B3GALT1: variants seen among roughly 807,000 people sequenced by gnomAD.
B3GALT1 encodes the protein beta-1,3-galactosyltransferase 1.
In B3GALT1, 10 loss-of-function variants were observed where a neutral mutation model predicts 23.2. That is an observed-to-expected ratio of 0.43 (90% CI 0.27 to 0.73). B3GALT1 has a LOEUF of 0.73. B3GALT1 is among the 30% of genes least tolerant of loss of function. The pLI is 0.21. For synonymous variants in B3GALT1, 156 were observed against 141.5 expected, an observed-to-expected ratio of 1.10 and a Z score of -0.73; for missense variants, 299 against 405.4, an observed-to-expected ratio of 0.74 and a Z score of 2.25.
chr2:167,402,161 A>T (rs917767745), intron 1 of B3GALT1, among the ~76,000 whole-genome samples: 8 of 152,128 alleles, frequency 5.3e-5, no homozygotes, highest in Non-Finnish European at 1.2e-4. Flanking sequence ...AATAACTACT[A>T]ATGTTATGAT....
At chr2:167,363,921 G>A (rs1320858702) in intron 1 of B3GALT1, among the ~76,000 whole-genome samples, 1 of 152,100 alleles carries the variant, frequency 6.6e-6, no homozygotes, top group East Asian at 1.9e-4. Flanking sequence ...CACTTTGGGA[G>A]GCTGAGGGAG....
chr2:167,798,156 T>TG (rs1688574791), intron 3 of B3GALT1, among the ~76,000 whole-genome samples: 2 of 152,242 alleles, frequency 1.3e-5, no homozygotes, highest in Non-Finnish European at 2.9e-5. Flanking sequence ...CTTGTAAATT[T>TG]CTTTAAGTTT....
chr2:167,453,755 A>G (rs528395817), intron 1 of B3GALT1, among the ~76,000 whole-genome samples: 2 of 152,298 alleles, frequency 1.3e-5, no homozygotes, highest in African/African-American at 2.4e-5. Flanking sequence ...GTTTTATTAA[A>G]CTCAGTGGAA....
At chr2:167,331,595 G>A (rs746312465) in intron 1 of B3GALT1, among the ~76,000 whole-genome samples, 2 of 152,166 alleles carry the variant, frequency 1.3e-5, no homozygotes, top group African/African-American at 2.4e-5. Context: ...GACCCCAGGA[G>A]GCATGCTTAG....
chr2:167,294,432 G>T (rs1233831705), intron 1 of B3GALT1, among the ~76,000 whole-genome samples: 2 of 152,244 alleles, frequency 1.3e-5, no homozygotes, highest in Admixed American at 1.3e-4. Flanking sequence ...GTGCTGCAAA[G>T]CCTTCCGCAG....
At chr2:167,602,028 A>T (rs1279633889) in intron 2 of B3GALT1, among the ~76,000 whole-genome samples, 1 of 152,238 alleles carries the variant, frequency 6.6e-6, no homozygotes, top group Non-Finnish European at 1.5e-5. Context: ...AGAAGTTTCA[A>T]TCATGGCTGT....
intron 3 of B3GALT1, among the ~76,000 whole-genome samples, chr2:167,713,240 A>T (rs1469201915): frequency 2.0e-5 from 3 of 152,246 alleles, no homozygotes. Context: ...TACTGCAAGA[A>T]CATGTATAAA....
intron 3 of B3GALT1, among the ~76,000 whole-genome samples, chr2:167,667,617 T>C (rs1031119416): frequency 6.6e-6 from 1 of 152,226 alleles, no homozygotes; most frequent in Admixed American, 6.5e-5. Context: ...TCTTTTCACA[T>C]AGTCCCATAT....
At chr2:167,297,134 A>G (rs1209135158) in intron 1 of B3GALT1, among the ~76,000 whole-genome samples, 2 of 152,134 alleles carry the variant, frequency 1.3e-5, no homozygotes, top group African/African-American at 4.8e-5. Context: ...GTCCTTTAAA[A>G]TATCTTTAAA....
At chr2:167,304,336 T>G (rs190760606) in intron 1 of B3GALT1, among the ~76,000 whole-genome samples, 1 of 152,172 alleles carries the variant, frequency 6.6e-6, no homozygotes, top group Non-Finnish European at 1.5e-5. Flanking sequence ...AAGTATCATG[T>G]ACAGAGTCCC....
intron 2 of B3GALT1, among the ~76,000 whole-genome samples, chr2:167,589,313 G>A (rs1405553138): frequency 1.3e-5 from 2 of 152,030 alleles, no homozygotes; most frequent in African/African-American, 4.8e-5. Flanking sequence ...TTTTTGACAT[G>A]TAGAAGTTGA....
At chr2:167,752,811 G>C (rs1008395115) in intron 3 of B3GALT1, among the ~76,000 whole-genome samples, 1 of 152,198 alleles carries the variant, frequency 6.6e-6, no homozygotes, top group African/African-American at 2.4e-5. Flanking sequence ...AAGGGCATTT[G>C]GGGAGCTGCG....
chr2:167,414,184 G>C (rs762197239), intron 1 of B3GALT1, among the ~76,000 whole-genome samples: 13 of 152,088 alleles, frequency 8.5e-5, no homozygotes, highest in Non-Finnish European at 1.8e-4. Context: ...GTTTGATGAA[G>C]ACTAGACAGC....
At chr2:167,713,404 AAC>A (rs1344277074) in intron 3 of B3GALT1, among the ~76,000 whole-genome samples, 6 of 152,224 alleles carry the variant, frequency 3.9e-5, no homozygotes, top group Non-Finnish European at 7.3e-5. Flanking sequence ...CACATGGGAA[AAC>A]ACACTTAATT....
intron 1 of B3GALT1, among the ~76,000 whole-genome samples, chr2:167,316,225 C>T (rs562589975): frequency 6.6e-5 from 10 of 150,958 alleles, no homozygotes; most frequent in Admixed American, 2.6e-4. Context: ...GCTTTTTGCA[C>T]GCCTAAGATA....
chr2:167,655,795 T>C (rs1203644382), intron 3 of B3GALT1, among the ~76,000 whole-genome samples: 2 of 152,150 alleles, frequency 1.3e-5, no homozygotes, highest in South Asian at 2.1e-4. Flanking sequence ...TTAGTACTGT[T>C]TTATATTGTC....
At chr2:167,805,663 C>T (rs1688737599) in intron 3 of B3GALT1, among the ~76,000 whole-genome samples, 1 of 152,112 alleles carries the variant, frequency 6.6e-6, no homozygotes, top group Non-Finnish European at 1.5e-5. Context: ...TTTCTGAGGG[C>T]TCTGTTCTGT....
At chr2:167,699,186 C>T (rs1255303557) in intron 3 of B3GALT1, among the ~76,000 whole-genome samples, 3 of 151,990 alleles carry the variant, frequency 2.0e-5, no homozygotes, top group African/African-American at 7.3e-5. Context: ...TCTGAGGTAT[C>T]AGTAATAAGT....
chr2:167,469,952 A>G (rs1305723541), intron 1 of B3GALT1, among the ~76,000 whole-genome samples: 2 of 152,172 alleles, frequency 1.3e-5, no homozygotes, highest in Non-Finnish European at 2.9e-5. Context: ...GACCTGAAAG[A>G]CTGTCTTTCC....
Sources: allele counts gnomAD v4.1 joint callset (sites outside exome capture counted in the v4.1 genomes callset), GRCh38; gene constraint gnomAD v4.1.1; transcripts MANE v1.5; gene names NCBI Gene and HGNC (gene_info 2026-07-23, HGNC 2026-07-21).